The following MAML1 variants were observed in gnomAD, a reference collection of about 807,000 sequenced individuals.
MAML1 encodes mastermind like transcriptional coactivator 1, also known as mastermind-like protein 1.
MAML1 carries 14 observed loss-of-function variants against 77.1 expected under a neutral mutation model. The ratio of observed to expected loss-of-function variants is 0.18; its 90% CI spans 0.12 to 0.28. MAML1 has a LOEUF of 0.28. Ranked by LOEUF, MAML1 falls within the 10% of genes least tolerant of loss-of-function variation. MAML1 has a pLI of 1.00. For missense variants in MAML1, 1,217 were observed against 1,327.8 expected, an observed-to-expected ratio of 0.92 and a Z score of 1.30; for synonymous variants, 516 against 551.9, an observed-to-expected ratio of 0.93 and a Z score of 0.91.
In MAML1 at chr5:179,774,034, C is replaced by T. The variant is rs78414145; in HGVS notation, c.2208C>T (p.Gly736=). 2.2e-4 allele frequency: 360 copies of T among 1,614,204 alleles called. 1 individual carries two copies. In the East Asian group the frequency reaches 7.9e-3, roughly 36 times the overall value. The change falls in exon 5 of 5, where the codon GGC becomes GGT. Residue 736 remains glycine (G), a synonymous_variant. Transcript: ENST00000292599. ...ASVSSLPTNS[G]QQDRGVAQFP... is the part of the protein sequence containing the mutation. Reference sequence around the variant, plus strand: ...TTTCCTCTCTCCCCACAAACTCAGGCCAACAGGACCGGGGTGTGGCTCAGT... The same window carrying T: ...TTTCCTCTCTCCCCACAAACTCAGGTCAACAGGACCGGGGTGTGGCTCAGT...
intron 4 of MAML1, among the ~76,000 whole-genome samples, chr5:179,773,175 G>A (rs570459870): frequency 4.6e-5 from 7 of 152,220 alleles, no homozygotes; most frequent in South Asian, 2.1e-4. Context: ...GAACCACCGC[G>A]CCCGGCCACA....
intron 1 of MAML1, among the ~76,000 whole-genome samples, chr5:179,737,325 C>T (rs771088648): frequency 6.6e-6 from 1 of 152,012 alleles, no homozygotes; most frequent in Non-Finnish European, 1.5e-5. Flanking sequence ...AGCTCTTTGG[C>T]CTTGGAATGG....
At chr5:179,758,894 C>T (rs765483511) in intron 1 of MAML1, among the ~76,000 whole-genome samples, 5 of 151,818 alleles carry the variant, frequency 3.3e-5, no homozygotes, top group African/African-American at 1.2e-4. Context: ...TCCCAGCTAC[C>T]CGGGAGGCTG....
chr5:179,757,212 A>T (rs1254657546), intron 1 of MAML1, among the ~76,000 whole-genome samples: 1 of 152,158 alleles, frequency 6.6e-6, no homozygotes, highest in Non-Finnish European at 1.5e-5. Flanking sequence ...ACTTTGGTGA[A>T]TGAGTACTCT....
intron 1 of MAML1, among the ~76,000 whole-genome samples, chr5:179,737,650 T>C (rs1779192890): frequency 6.6e-6 from 1 of 152,204 alleles, no homozygotes; most frequent in African/African-American, 2.4e-5. Context: ...GATTTACTGC[T>C]AGAGTTTACT....
intron 1 of MAML1, among the ~76,000 whole-genome samples, chr5:179,747,592 C>T (rs180723106): frequency 3.9e-3 from 600 of 152,176 alleles, no homozygotes; most frequent in Admixed American, 6.5e-3. Flanking sequence ...GGGCGGATCA[C>T]GAGGTCAGGA....
rs771731691 is a variant in MAML1 at position 179,765,885 on chromosome 5, T to C, written c.875T>C (p.Leu292Ser). ...ESSGSATQTP[L>S]AQDINIKTEF... The stretch of plus-strand genomic sequence containing the variant: ...TCTGGCTCTGCCACACAAACCCCCT[T>C]GGCACAGGACATTAATATTAAGACG... Residue 292 changes from leucine to serine, a missense_variant, in exon 2 of 5, where the codon TTG (leucine) becomes TCG (serine). Coordinates refer to ENST00000292599, the MANE Select transcript of MAML1 (RefSeq NM_014757.5). The C allele has an allele frequency of 2.5e-6, 4 of 1,614,066 alleles. No individual in the cohort carries two copies. Among genetic ancestry groups the C allele is most frequent in the South Asian group, 1.1e-5 (1 of 91,082 alleles).
chr5:179,775,593 C>T lies in MAML1; in HGVS notation c.*716C>T, dbSNP rs922265812. The T allele has an allele frequency of 4.1e-6, 4 of 985,296 alleles. No individual in the cohort carries two copies. Among genetic ancestry groups the T allele is most frequent in the Non-Finnish European group, 4.8e-6 (4 of 829,944 alleles). The allele number at this position is 985,296 out of a possible 1,614,324, so 61.0% of individuals were successfully genotyped here. On this transcript the variant is annotated 3_prime_UTR_variant, in exon 5 of 5. Coordinates refer to ENST00000292599, the MANE Select transcript of MAML1 (RefSeq NM_014757.5). ...TAGGGTCTTCCTAGCAGCTCCTCCT[C>T]CTCCCTCCCAAGGCCCCCAGGAATC... is the stretch of plus-strand genomic sequence containing the variant.
At chr5:179,752,437 TATATATTGGGTTAA>T (rs1779513249) in intron 1 of MAML1, among the ~76,000 whole-genome samples, 1 of 148,108 alleles carries the variant, frequency 6.8e-6, no homozygotes, top group Non-Finnish European at 1.5e-5. Context: ...AAAAAGTTCA[TATATATTGGGTTAA>T]ATATGATATT....
chr5:179,762,242 C>T (rs961506505), intron 1 of MAML1, among the ~76,000 whole-genome samples: 2 of 152,106 alleles, frequency 1.3e-5, no homozygotes, highest in Admixed American at 6.6e-5. Flanking sequence ...TCCTATAAGG[C>T]TAGTGCATGG....
At position 179,766,952 on chromosome 5, in the gene MAML1, CTTGA is replaced by C. The variant is rs1180920816; in HGVS notation, c.1731+214_1731+217del. Among the ~76,000 whole-genome samples the C allele has an allele frequency of 1.3e-5, 2 of 152,196 alleles. No homozygotes were observed. The highest frequency in any genetic ancestry group is 4.1e-4 in the South Asian group (2 of 4,832). ...AATAGGGTAAAGTTCCCTGGCATAG[CTTGA>C]TTATTAACTGCACGAAGGTTTCAGG... On this transcript the variant is annotated intron_variant, in intron 2 of 4. Transcript: ENST00000292599. This position sits in a 1 kb window ranked among gnomAD's most constrained non-coding sequence, Gnocchi z 4.0.
intron 1 of MAML1, among the ~76,000 whole-genome samples, chr5:179,750,300 T>C (rs2113350680): frequency 6.6e-6 from 1 of 152,294 alleles, no homozygotes; most frequent in Non-Finnish European, 1.5e-5. Flanking sequence ...GCACCTTATT[T>C]GGAATCATAA....
intron 1 of MAML1, among the ~76,000 whole-genome samples, chr5:179,759,342 A>G (rs1779683184): frequency 6.6e-6 from 1 of 152,204 alleles, no homozygotes; most frequent in Non-Finnish European, 1.5e-5. Context: ...TAAAACAGGA[A>G]CAATGATGCT....
chr5:179,766,104 C>T lies in MAML1; in HGVS notation c.1094C>T (p.Pro365Leu), dbSNP rs371564064. The T allele has an allele frequency of 4.2e-5, 66 of 1,579,474 alleles. No individual in the cohort carries two copies. Among genetic ancestry groups the T allele is most frequent in the African/African-American group, 8.2e-5 (6 of 73,506 alleles). The part of the protein sequence containing the change: ...RADNPSPNLM[P>L]ASAQAQNAQR... ...GACAATCCCAGTCCAAACCTGATGCCGGCATCAGCCCAGGCCCAGAACGCA... is the reference window on the plus strand; with the variant it reads ...GACAATCCCAGTCCAAACCTGATGCTGGCATCAGCCCAGGCCCAGAACGCA... The change falls in exon 2 of 5, where the codon CCG (proline) becomes CTG (leucine). Residue 365 changes from proline to leucine, a missense_variant. By Grantham distance (98) the Pro-to-Leu change is moderately conservative. This residue lies in a region of MAML1 where 884 missense variants were observed against 949.3 expected (regional missense o/e 0.93). Coordinates refer to ENST00000292599, the MANE Select transcript of MAML1 (RefSeq NM_014757.5). The surrounding 1 kb of genome is among the most constrained non-coding windows in gnomAD (Gnocchi z 4.0).
rs766966774 is a variant in MAML1, at chr5:179,765,704, G to A, written c.694G>A (p.Val232Ile). ...EDLPCMITGT[V>I]GSISQSNLMP... Reference sequence around the variant, plus strand: ...CCTGCCTTGCATGATCACTGGGACTGTCGGCTCCATATCGCAAAGCAACCT... The same window carrying A: ...CCTGCCTTGCATGATCACTGGGACTATCGGCTCCATATCGCAAAGCAACCT... The change falls in exon 2 of 5, where the codon GTC (valine) becomes ATC (isoleucine). Residue 232 changes from valine (V) to isoleucine (I), a missense_variant. Physicochemically the swap from Val to Ile is conservative, Grantham distance 29. Coordinates refer to ENST00000292599, the MANE Select transcript of MAML1 (RefSeq NM_014757.5). 9 of 1,613,954 alleles carry A rather than the reference G, an allele frequency of 5.6e-6. No homozygotes were observed. The highest frequency in any genetic ancestry group is 7.6e-6 in the Non-Finnish European group (9 of 1,179,980).
rs370454690 is a variant in MAML1, at chr5:179,745,626, C to T, written c.315+12199C>T. 3.4e-4 allele frequency among the ~76,000 whole-genome samples: 51 copies of T among 149,086 alleles called. No homozygotes were observed. The East Asian group carries it at 7.1e-3, about 21-fold the overall frequency. ...CTGTAATCCCAGCACTTTGGGAGGC[C>T]GAGGCGGGCAGATCACGAGGTCAGG... On this transcript the variant is annotated intron_variant, in intron 1 of 4. Coordinates refer to ENST00000292599, the MANE Select transcript of MAML1 (RefSeq NM_014757.5).
At position 179,776,171 on chromosome 5, in the gene MAML1, G is replaced by A. The variant is rs1367835833; in HGVS notation, c.*1294G>A. ...ACGAAAGCAAAGTGGTAAGCACAGG[G>A]TGAGACCCTTTTACACAGAATGGTG... On this transcript the variant is annotated 3_prime_UTR_variant, in exon 5 of 5. Transcript: ENST00000292599. The A allele has an allele frequency of 1.0e-6, 1 of 985,814 alleles. No individual in the cohort carries two copies. The highest frequency in any genetic ancestry group is 1.2e-6 in the Non-Finnish European group (1 of 829,956). The allele number at this position is 985,814 out of a possible 1,614,324, so 61.1% of individuals were successfully genotyped here.
chr5:179,741,671 G>C (rs115420118), intron 1 of MAML1, among the ~76,000 whole-genome samples: 1,424 of 140,284 alleles, frequency 0.01, 26 homozygotes, highest in African/African-American at 0.037. Context: ...GGGTGGCAGA[G>C]CGAGACTGTC....
chr5:179,750,348 G>A (rs1422468164), intron 1 of MAML1, among the ~76,000 whole-genome samples: 2 of 152,034 alleles, frequency 1.3e-5, no homozygotes, highest in Non-Finnish European at 2.9e-5. Flanking sequence ...TTGTTTTCTC[G>A]GGAGTACGTC....
Sources: gnomAD v4.1 joint callset for allele counts (sites outside exome capture counted in the v4.1 genomes callset) on GRCh38, gnomAD v4.1.1 for gene constraint, gnomAD v4.1.1 regional missense constraint, Gnocchi (gnomAD v3.1) non-coding constraint, MANE v1.5 for transcripts, NCBI Gene and HGNC (gene_info 2026-07-23, HGNC 2026-07-21) for gene names.